Variants in SLC10A7 observed in about 807,000 individuals in gnomAD.
The protein encoded by SLC10A7 is sodium/bile acid cotransporter 7.
In SLC10A7, 29 loss-of-function variants were observed where a neutral mutation model predicts 43.2. The observed-to-expected ratio is 0.67, with a 90% confidence interval of 0.50 to 0.92. The LOEUF (loss-of-function observed/expected upper bound fraction) is 0.92, where lower values mean the gene tolerates loss of function less well. SLC10A7 is among the 40% of genes least tolerant of loss of function. SLC10A7 has a pLI of 0.00. For missense variants in SLC10A7, 295 were observed against 403.2 expected, an observed-to-expected ratio of 0.73 and a Z score of 2.30; for synonymous variants, 152 against 144.8, an observed-to-expected ratio of 1.05 and a Z score of -0.35.
intron 7 of SLC10A7, among the ~76,000 whole-genome samples, chr4:146,296,761 A>T (rs754094535): frequency 2.0e-5 from 3 of 152,136 alleles, no homozygotes; most frequent in Non-Finnish European, 4.4e-5. Context: ...CTGCTTTTGC[A>T]CTATGTAGCT....
At chr4:146,405,553 T>G (rs1727608343) in intron 5 of SLC10A7, among the ~76,000 whole-genome samples, 2 of 152,158 alleles carry the variant, frequency 1.3e-5, no homozygotes, top group African/African-American at 4.8e-5. Context: ...AAAAAATTAT[T>G]TAAACACACA....
In SLC10A7 at chr4:146,327,155, T is replaced by C. The variant is rs148401715; in HGVS notation, c.436-1159A>G. Among the ~76,000 whole-genome samples, 597 of 152,364 alleles carry C rather than the reference T, an allele frequency of 3.9e-3. 2 individuals carry two copies. The highest frequency in any genetic ancestry group is 0.013 in the African/African-American group (547 of 41,584). On this transcript the variant is annotated intron_variant, in intron 5 of 11. Transcript: ENST00000335472. ...GTTTTGCATGTGGCCCAAGAGGGACTGGCTTACCTTAAATGAACAATGCTA... is the reference window on the plus strand; with the variant it reads ...GTTTTGCATGTGGCCCAAGAGGGACCGGCTTACCTTAAATGAACAATGCTA...
chr4:146,317,113 G>A lies in SLC10A7; in HGVS notation c.471+8848C>T, dbSNP rs182296963. 2.6e-3 allele frequency among the ~76,000 whole-genome samples: 388 copies of A among 152,150 alleles called. 5 individuals are homozygous for A. Among genetic ancestry groups the A allele is most frequent in the African/African-American group, 9.0e-3 (373 of 41,526 alleles). On this transcript the variant is annotated intron_variant, in intron 6 of 11. Transcript: ENST00000335472. ...CTACCTCTCTACAAATAGAGTGTGA[G>A]GGAAAGTGTACTCAGTTCCTTCAAA...
chr4:146,272,553 T>A (rs1728961673), intron 10 of SLC10A7, among the ~76,000 whole-genome samples: 1 of 152,168 alleles, frequency 6.6e-6, no homozygotes, highest in African/African-American at 2.4e-5. Flanking sequence ...GGGCTGTCAT[T>A]AAAGACACTC....
chr4:146,372,370 C>G (rs1016214300), intron 5 of SLC10A7, among the ~76,000 whole-genome samples: 1 of 150,934 alleles, frequency 6.6e-6, no homozygotes, highest in African/African-American at 2.4e-5. Flanking sequence ...GGCAGGAACA[C>G]TTGAGCCTGG....
chr4:146,390,802 C>A (rs1457125641), intron 5 of SLC10A7, among the ~76,000 whole-genome samples: 4 of 151,962 alleles, frequency 2.6e-5, no homozygotes, highest in African/African-American at 9.7e-5. Flanking sequence ...TTTAAACTTG[C>A]CTGCATTGTA....
intron 5 of SLC10A7, among the ~76,000 whole-genome samples, chr4:146,340,872 G>A (rs180769627): frequency 4.2e-4 from 64 of 151,876 alleles, no homozygotes; most frequent in African/African-American, 1.4e-3. Flanking sequence ...AGAGCAAGAA[G>A]CAATCATCTG....
chr4:146,336,719 T>C (rs940207230), intron 5 of SLC10A7, among the ~76,000 whole-genome samples: 3 of 152,006 alleles, frequency 2.0e-5, no homozygotes, highest in Admixed American at 6.6e-5. Context: ...ACAAGGATAA[T>C]GGAAGCAAAG....
intron 9 of SLC10A7, among the ~76,000 whole-genome samples, chr4:146,283,913 A>C (rs1451863109): frequency 2.6e-5 from 4 of 152,132 alleles, no homozygotes; most frequent in Non-Finnish European, 5.9e-5. Context: ...GGATTCAAAC[A>C]GAGTCTAGTT....
At chr4:146,429,245 G>A (rs1333845080) in intron 5 of SLC10A7, among the ~76,000 whole-genome samples, 2 of 152,076 alleles carry the variant, frequency 1.3e-5, no homozygotes, top group African/African-American at 4.8e-5. Flanking sequence ...CAAAACAGAT[G>A]ACAAAAAGAT....
At chr4:146,327,743 C>T (rs1733239730) in intron 5 of SLC10A7, among the ~76,000 whole-genome samples, 1 of 152,222 alleles carries the variant, frequency 6.6e-6, no homozygotes, top group South Asian at 2.1e-4. Context: ...ATAACTGCTG[C>T]GACCGGCGCT....
Position 146,294,022 on chromosome 4 carries a change from A to G in SLC10A7, c.629T>C (p.Leu210Pro). The G allele has an allele frequency of 4.3e-6, 7 of 1,612,158 alleles. No homozygotes were observed. Among genetic ancestry groups the G allele is most frequent in the Non-Finnish European group, 5.9e-6 (7 of 1,178,816 alleles). ...GAATGTTGTGTAGATGATCATGAGG[A>G]GTACACTGCTGCTGATAGCACCAAA... Reference protein sequence around the residue: ...PPFGAISSSVLLMIIYTTFCD... With the variant: ...PPFGAISSSVPLMIIYTTFCD... The change falls in exon 8 of 12, where the codon CTC becomes CCC. Residue 210 changes from leucine to proline, a missense_variant. Physicochemically the swap from Leu to Pro is moderately conservative, Grantham distance 98. Around this residue, in one of 2 missense-constraint regions of SLC10A7, gnomAD observed 242 missense variants for 362.5 expected, o/e 0.67. Coordinates refer to ENST00000335472, the MANE Select transcript of SLC10A7 (RefSeq NM_001029998.6).
intron 9 of SLC10A7, among the ~76,000 whole-genome samples, chr4:146,287,381 T>C (rs1196679097): frequency 6.6e-6 from 1 of 152,124 alleles, no homozygotes; most frequent in Non-Finnish European, 1.5e-5. Context: ...AAGCCAAGAA[T>C]AAAGAAGTTA....
intron 9 of SLC10A7, among the ~76,000 whole-genome samples, chr4:146,287,008 G>A (rs1730046378): frequency 6.6e-6 from 1 of 151,934 alleles, no homozygotes; most frequent in Admixed American, 6.6e-5. Flanking sequence ...GAGAAGGACT[G>A]TGTTTGGAGT....
chr4:146,363,636 GA>G (rs1196301931), intron 5 of SLC10A7, among the ~76,000 whole-genome samples: 1 of 152,072 alleles, frequency 6.6e-6, no homozygotes, highest in African/African-American at 2.4e-5. Context: ...TTAAAAAAAT[GA>G]AATCATATGA....
chr4:146,324,597 C>CACT (rs1404171834), intron 6 of SLC10A7, among the ~76,000 whole-genome samples: 5 of 152,152 alleles, frequency 3.3e-5, no homozygotes, highest in African/African-American at 1.2e-4. Flanking sequence ...CTATACTAGT[C>CACT]CCTTGACCTA....
chr4:146,402,528 T>G (rs1430662902), intron 5 of SLC10A7, among the ~76,000 whole-genome samples: 1 of 151,960 alleles, frequency 6.6e-6, no homozygotes, highest in African/African-American at 2.4e-5. Flanking sequence ...AACTGCTTCC[T>G]CAGCCCTGAC....
intron 6 of SLC10A7, among the ~76,000 whole-genome samples, chr4:146,319,514 C>T (rs1732551765): frequency 6.6e-6 from 1 of 152,042 alleles, no homozygotes; most frequent in African/African-American, 2.4e-5. Context: ...TATATTTCTA[C>T]TTATCTGTTG....
intron 4 of SLC10A7, among the ~76,000 whole-genome samples, chr4:146,463,595 G>A (rs1177424780): frequency 6.6e-6 from 1 of 151,884 alleles, no homozygotes; most frequent in Non-Finnish European, 1.5e-5. Context: ...TAAAAACGTA[G>A]CCAGGTGCTG....
Sources: gnomAD v4.1 joint callset for allele counts (sites outside exome capture counted in the v4.1 genomes callset) on GRCh38, gnomAD v4.1.1 for gene constraint, gnomAD v4.1.1 regional missense constraint, MANE v1.5 for transcripts, NCBI Gene and HGNC (gene_info 2026-07-23, HGNC 2026-07-21) for gene names.